The following THSD4 variants were observed in gnomAD, a reference collection of about 807,000 sequenced individuals.
THSD4 encodes thrombospondin type-1 domain-containing protein 4.
A neutral mutation model predicts 119.0 loss-of-function variants in THSD4; 69 were observed. The ratio of observed to expected loss-of-function variants is 0.58; its 90% CI spans 0.48 to 0.71. THSD4 has a LOEUF of 0.71. Among genes scored for constraint, THSD4 ranks in the 30% least tolerant of loss-of-function variants. The pLI is 0.00. For missense variants in THSD4, 1,393 were observed against 1,391.1 expected (o/e 1.00, Z -0.02); for synonymous variants, 524 against 540.4 (o/e 0.97, Z 0.42).
chr15:71,411,583 T>A, intron 6 of THSD4, 104 bp from the exon 7 acceptor site: 1 of 1,288,194 alleles, frequency 7.8e-7, no homozygotes, highest in South Asian at 1.5e-5. Context: ...TTATACAAAT[T>A]TTTCTCAATA....
At chr15:71,345,685 CT>C (rs1240170306) in intron 6 of THSD4, among the ~76,000 whole-genome samples, 10 of 152,070 alleles carry the variant, frequency 6.6e-5, no homozygotes, top group Admixed American at 5.9e-4. Context: ...AAAGGAAGCA[CT>C]TTTCCTTTAG....
chr15:71,544,297 C>T (rs2048804287), intron 7 of THSD4, among the ~76,000 whole-genome samples: 1 of 152,184 alleles, frequency 6.6e-6, no homozygotes, highest in Admixed American at 6.5e-5. Flanking sequence ...TTTAATAAGA[C>T]TGTTGTCATG....
At chr15:71,608,114 T>C (rs973121963) in intron 7 of THSD4, among the ~76,000 whole-genome samples, 5 of 151,562 alleles carry the variant, frequency 3.3e-5, no homozygotes, top group Admixed American at 1.3e-4. Context: ...TGCCAGCTAC[T>C]TGTGGGGCCG....
At chr15:71,710,631 A>C (rs900749147) in intron 8 of THSD4, among the ~76,000 whole-genome samples, 1 of 152,204 alleles carries the variant, frequency 6.6e-6, no homozygotes, top group African/African-American at 2.4e-5. Flanking sequence ...GGGGAAAAAT[A>C]CTTTATTATT....
At chr15:71,158,416 G>C (rs1234750328) in intron 3 of THSD4, among the ~76,000 whole-genome samples, 2 of 152,078 alleles carry the variant, frequency 1.3e-5, no homozygotes, top group Non-Finnish European at 2.9e-5. Flanking sequence ...GCCTTCCAAA[G>C]TGTTAGGATT....
chr15:71,658,108 C>G (rs78426023), intron 7 of THSD4, among the ~76,000 whole-genome samples: 36 of 152,090 alleles, frequency 2.4e-4, no homozygotes, highest in Non-Finnish European at 4.0e-4. Flanking sequence ...AGGTAAGGCC[C>G]GCTCCACACT....
At position 71,243,022 on chromosome 15, in the gene THSD4, T is replaced by G; in HGVS notation, c.838T>G (p.Phe280Val). 6.2e-7 allele frequency: 1 copy of G among 1,614,202 alleles called. No homozygotes were observed. Among genetic ancestry groups the G allele is most frequent in the Non-Finnish European group, 8.5e-7 (1 of 1,180,036 alleles). ...GVGTHGATQS[F>V]SQPARSTAIS... ...GGGGACCCATGGGGCAACTCAGAGCTTCTCTCAGCCTGCCCGATCTACAGC... is the reference window on the plus strand; with the variant it reads ...GGGGACCCATGGGGCAACTCAGAGCGTCTCTCAGCCTGCCCGATCTACAGC... The change falls in exon 5 of 18, where the codon TTC (phenylalanine) becomes GTC (valine). Residue 280 changes from phenylalanine (F) to valine (V), a missense_variant. Coordinates refer to ENST00000261862, the MANE Select transcript of THSD4 (RefSeq NM_024817.3).
At chr15:71,478,496 T>A (rs1049474821) in intron 7 of THSD4, among the ~76,000 whole-genome samples, 29 of 152,174 alleles carry the variant, frequency 1.9e-4, no homozygotes, top group African/African-American at 7.0e-4. Flanking sequence ...GACAACCCGA[T>A]TTGGTGGACT....
chr15:71,600,049 C>A (rs1204853074), intron 7 of THSD4, among the ~76,000 whole-genome samples: 3 of 152,210 alleles, frequency 2.0e-5, no homozygotes, highest in Non-Finnish European at 2.9e-5. Context: ...ACTTTCCTTC[C>A]AAAGTGACTG....
At position 71,709,864 on chromosome 15, in the gene THSD4, T is replaced by TA. The variant is rs201522341; in HGVS notation, c.1358-18674dup. Among the ~76,000 whole-genome samples the TA allele has an allele frequency of 6.1e-3, 905 of 147,422 alleles. 7 individuals are homozygous for TA. The highest frequency in any genetic ancestry group is 0.02 in the African/African-American group (814 of 40,298). Reference sequence around the variant, plus strand: ...TGGGAGTGAGGCCCAGGCATCAGTTTAAAAAAAAAAACTTTTCAGGTGCTT... The same window carrying TA: ...TGGGAGTGAGGCCCAGGCATCAGTTTAAAAAAAAAAAACTTTTCAGGTGCTT... On this transcript the variant is annotated intron_variant, in intron 8 of 17. Coordinates refer to ENST00000261862, the MANE Select transcript of THSD4 (RefSeq NM_024817.3).
intron 7 of THSD4, among the ~76,000 whole-genome samples, chr15:71,651,129 C>A (rs1161274836): frequency 6.6e-6 from 1 of 152,194 alleles, no homozygotes; most frequent in Non-Finnish European, 1.5e-5. Context: ...AGTGGAGTTT[C>A]TGCCTCAAGA....
At chr15:71,523,872 G>A (rs1250684705) in intron 7 of THSD4, among the ~76,000 whole-genome samples, 1 of 150,642 alleles carries the variant, frequency 6.6e-6, no homozygotes, top group African/African-American at 2.4e-5. Flanking sequence ...AGTAGCTATT[G>A]TGTGAGGGGA....
intron 6 of THSD4, among the ~76,000 whole-genome samples, chr15:71,278,194 T>C (rs781535802): frequency 6.6e-6 from 1 of 152,152 alleles, no homozygotes; most frequent in Non-Finnish European, 1.5e-5. Flanking sequence ...TTTGTTTGCT[T>C]GTTTTTGTTT....
chr15:71,777,361 T>G lies in THSD4; in HGVS notation c.3044T>G (p.Leu1015Arg). 1.9e-6 allele frequency: 3 copies of G among 1,613,926 alleles called. No homozygotes were observed. Among genetic ancestry groups the G allele is most frequent in the Admixed American group, 3.3e-5 (2 of 59,998 alleles). ...TRVANRQTGF[L>R]GSR ...GTGGCCAACAGGCAGACGGGCTTCC[T>G]GGGGAGCAGATAACACTCCTGCACC... Residue 1015 changes from leucine (L) to arginine (R), a missense_variant, in exon 18 of 18, where the codon CTG (leucine) becomes CGG (arginine). Coordinates refer to ENST00000261862, the MANE Select transcript of THSD4 (RefSeq NM_024817.3).
intron 7 of THSD4, among the ~76,000 whole-genome samples, chr15:71,654,529 A>T (rs2051152136): frequency 6.6e-6 from 1 of 152,206 alleles, no homozygotes; most frequent in South Asian, 2.1e-4. Flanking sequence ...CTAGAAGAAG[A>T]ATTTACTGGA....
chr15:71,153,431 T>C (rs554120092), intron 2 of THSD4, among the ~76,000 whole-genome samples: 44 of 152,336 alleles, frequency 2.9e-4, no homozygotes, highest in African/African-American at 1.1e-3. Flanking sequence ...CTCTGGATCC[T>C]CAGCTGCAAC....
intron 2 of THSD4, among the ~76,000 whole-genome samples, chr15:71,142,528 A>G (rs1224655676): frequency 1.3e-5 from 2 of 152,192 alleles, no homozygotes; most frequent in Admixed American, 6.5e-5. Flanking sequence ...TATAATATTT[A>G]TACATTATGA....
At chr15:71,436,249 C>A (rs1212441624) in intron 7 of THSD4, among the ~76,000 whole-genome samples, 1 of 152,100 alleles carries the variant, frequency 6.6e-6, no homozygotes, top group Non-Finnish European at 1.5e-5. Context: ...TACTTCTACC[C>A]TGTGATACCC....
chr15:71,584,262 C>CTTTTTTTTTTTTT lies in THSD4; in HGVS notation c.1153-76257_1153-76245dup, dbSNP rs71154789. On this transcript the variant is annotated intron_variant, in intron 7 of 17. Transcript: ENST00000261862. Reference sequence around the variant, plus strand: ...TCACGTGGATTTTTTTTTTCACTTTCTTTTTTTTTTTTTTTTTTTTTTTGA... The same window carrying CTTTTTTTTTTTTT: ...TCACGTGGATTTTTTTTTTCACTTTCTTTTTTTTTTTTTTTTTTTTTTTTTTTTTTTTTTTTGA... Among the ~76,000 whole-genome samples the CTTTTTTTTTTTTT allele has an allele frequency of 3.7e-4, 23 of 61,804 alleles. 2 individuals carry two copies. The highest frequency in any genetic ancestry group is 4.9e-4 in the Non-Finnish European group (18 of 36,406). 40.5% of individuals were successfully genotyped at this position (61,804 alleles called of 152,430 possible).
Sources: allele counts gnomAD v4.1 joint callset (sites outside exome capture counted in the v4.1 genomes callset), GRCh38; gene constraint gnomAD v4.1.1; transcripts MANE v1.5; gene names NCBI Gene and HGNC (gene_info 2026-07-23, HGNC 2026-07-21).